Variants in TYRO3 observed in about 807,000 individuals in gnomAD.
The protein encoded by TYRO3 is TYRO3 protein tyrosine kinase, also known as tyrosine-protein kinase receptor TYRO3.
In TYRO3, 38 loss-of-function variants were observed where a neutral mutation model predicts 95.2. The ratio of observed to expected loss-of-function variants is 0.40; its 90% confidence interval spans 0.31 to 0.52. The LOEUF (loss-of-function observed/expected upper bound fraction) is 0.52. Ranked by LOEUF, TYRO3 falls within the 20% of genes least tolerant of loss-of-function variation. The probability of loss-of-function intolerance (pLI) is 0.56; values close to 1 mark genes in which losing one functional copy is unlikely to be tolerated. For synonymous variants in TYRO3, 367 were observed against 432.9 expected (o/e 0.85, Z 1.89); for missense variants, 812 against 1,116.4 (o/e 0.73, Z 3.89).
intron 4 of TYRO3, among the ~76,000 whole-genome samples, chr15:41,563,835 T>C (rs2055686603): frequency 6.6e-6 from 1 of 151,992 alleles, no homozygotes; most frequent in African/African-American, 2.4e-5. Context: ...GTATGCGCAA[T>C]AAAAGAGTGA....
intron 18 of TYRO3, 115 bp downstream of exon 18, chr15:41,573,930 T>G (rs2055832595): frequency 1.5e-5 from 16 of 1,087,018 alleles, no homozygotes; most frequent in Non-Finnish European, 2.1e-5. Context: ...AACATCCTTG[T>G]AGTTGGAAGG....
At chr15:41,561,663 C>T (rs750276166) in intron 3 of TYRO3, 24 bp downstream of exon 3, 8 of 1,524,476 alleles carry the variant, frequency 5.2e-6, no homozygotes, top group African/African-American at 1.4e-5. Context: ...GCCATATGGG[C>T]GTGTTGGCCT....
intron 7 of TYRO3, 50 bp from the exon 8 acceptor site, chr15:41,568,167 T>C (rs1393098610): frequency 3.7e-6 from 6 of 1,608,620 alleles, no homozygotes; most frequent in Non-Finnish European, 5.1e-6. Context: ...CATGGAATTA[T>C]GATGGTGGGA....
chr15:41,565,220 C>T (rs1469200386), intron 6 of TYRO3, 79 bp downstream of exon 6: 1 of 882,026 alleles, frequency 1.1e-6, no homozygotes, highest in Non-Finnish European at 1.8e-6. Flanking sequence ...CACTCACTAG[C>T]CAGCTCCTGG....
rs1037872446 is a variant in TYRO3 at position 41,567,543 on chromosome 15, G to A, written c.961+6G>A. ...CTTTCAGACCAAGGGTCTAGGTAAG[G>A]GATGCATAGAGCAGAGCGGGTGGGC... On this transcript the variant is annotated splice_donor_region_variant and intron_variant, in intron 7 of 18. Transcript: ENST00000263798. 9.1e-6 allele frequency: 14 copies of A among 1,535,044 alleles called. No individual in the cohort carries two copies. The highest frequency in any genetic ancestry group is 1.4e-5 in the African/African-American group (1 of 71,848).
At position 41,561,129 on chromosome 15, in the gene TYRO3, C is replaced by G; in HGVS notation, c.127C>G (p.Leu43Val). 2 of 1,614,106 alleles carry G rather than the reference C, an allele frequency of 1.2e-6. No individual in the cohort carries two copies. The highest frequency in any genetic ancestry group is 3.3e-5 in the Admixed American group (2 of 60,022). ...LLLPESAAAG[L>V]KLMGAPVKLT... ...ACATGTTCCTTCCCACCCCTCAGGTCTGAAGCTCATGGGAGCCCCGGTGAA... is the reference window on the plus strand; with the variant it reads ...ACATGTTCCTTCCCACCCCTCAGGTGTGAAGCTCATGGGAGCCCCGGTGAA... The change falls in exon 2 of 19, where the codon CTG becomes GTG. Residue 43 changes from leucine to valine, a missense_variant and splice_region_variant. Leu to Val is a conservative substitution (Grantham distance 32, BLOSUM62 1). Transcript: ENST00000263798.
In TYRO3 at chr15:41,568,253, G is replaced by T; in HGVS notation, c.998G>T (p.Arg333Leu). The T allele has an allele frequency of 6.2e-7, 1 of 1,613,072 alleles. No homozygotes were observed. Among genetic ancestry groups the T allele is most frequent in the Non-Finnish European group, 8.5e-7 (1 of 1,179,968 alleles). ...GCTCCCCAAAACCTCCATGCCATCC[G>T]CACAGATTCAGGCCTCATCTTGGAG... is the stretch of plus-strand genomic sequence containing the variant. ...ASAPQNLHAI[R>L]TDSGLILEWE... The change falls in exon 8 of 19, where the codon CGC (arginine) becomes CTC (leucine). Residue 333 changes from arginine (R) to leucine (L), a missense_variant. Physicochemically the swap from Arg to Leu is moderately radical, Grantham distance 102. Transcript: ENST00000263798.
Position 41,572,497 on chromosome 15 carries a change from T to G in TYRO3, c.1808T>G (p.Leu603Trp). Residue 603 changes from leucine (L) to tryptophan (W), a missense_variant, in exon 15 of 19, where the codon TTG becomes TGG. By Grantham distance (61) the Leu-to-Trp change is moderately conservative (BLOSUM62 -2). Transcript: ENST00000263798. Reference sequence around the variant, plus strand: ...CGTCTCCCCATCCCCATGGTCATCTTGCCCTTCATGAAGCATGGGGACCTG... The same window carrying G: ...CGTCTCCCCATCCCCATGGTCATCTGGCCCTTCATGAAGCATGGGGACCTG... Reference protein sequence around the residue: ...KGRLPIPMVILPFMKHGDLHA... With the variant: ...KGRLPIPMVIWPFMKHGDLHA... 11 of 1,614,242 alleles carry G rather than the reference T, an allele frequency of 6.8e-6. No individual in the cohort carries two copies. The highest frequency in any genetic ancestry group is 9.3e-6 in the Non-Finnish European group (11 of 1,180,048).
chr15:41,571,950 G>A (rs1251367420), intron 14 of TYRO3, among the ~76,000 whole-genome samples: 1 of 151,592 alleles, frequency 6.6e-6, no homozygotes, highest in Non-Finnish European at 1.5e-5. Context: ...TTGAGGCCAG[G>A]GGTTTGAGAC....
intron 3 of TYRO3, 116 bp from the exon 4 acceptor site, chr15:41,562,432 A>G: frequency 9.9e-7 from 1 of 1,013,320 alleles, no homozygotes; most frequent in Non-Finnish European, 1.4e-6. Flanking sequence ...ACCTAATCAT[A>G]AGGGGCCTGT....
intron 18 of TYRO3, 89 bp from the exon 19 acceptor site, chr15:41,577,797 T>A: frequency 3.5e-6 from 5 of 1,411,250 alleles, no homozygotes; most frequent in Non-Finnish European, 3.8e-6. Flanking sequence ...GGGAATAAAA[T>A]TTTTTAAAAC....
intron 1 of TYRO3, among the ~76,000 whole-genome samples, chr15:41,560,571 C>T (rs1406140317): frequency 6.6e-6 from 1 of 152,182 alleles, no homozygotes; most frequent in East Asian, 1.9e-4. Flanking sequence ...CCCCTGCCCA[C>T]ATTCAGGTAT....
Position 41,568,501 on chromosome 15 carries a change from C to T in TYRO3, c.1107+139C>T, listed in dbSNP as rs964620017. ...CCCAGGGAATCCTTTCCTCCTCACC[C>T]TCCTCTGCAAGCTCCACTTCTCAAA... On this transcript the variant is annotated intron_variant, in intron 8 of 18. Coordinates refer to ENST00000263798, the MANE Select transcript of TYRO3 (RefSeq NM_006293.4). 41 of 804,012 alleles carry T rather than the reference C, an allele frequency of 5.1e-5. No individual in the cohort carries two copies. In the African/African-American group the frequency reaches 6.8e-4, roughly 13 times the overall value. 49.8% of individuals were successfully genotyped at this position (804,012 alleles called of 1,614,324 possible).
intron 1 of TYRO3, among the ~76,000 whole-genome samples, chr15:41,560,457 G>A (rs1029936658): frequency 1.3e-5 from 2 of 150,522 alleles, no homozygotes; most frequent in African/African-American, 4.9e-5. Flanking sequence ...TCGCACGCAA[G>A]TTCCAAAGAG....
rs1239351054 is a variant in TYRO3 at position 41,580,680 on chromosome 15, G to A, written c.*2404G>A. On this transcript the variant is annotated 3_prime_UTR_variant, in exon 19 of 19. Coordinates refer to ENST00000263798, the MANE Select transcript of TYRO3 (RefSeq NM_006293.4). ...GAGTCTCTCTCTGTCGCCCAGGCTA[G>A]AGTGCAGTGGTGTGATCTCGGCTCA... The A allele has an allele frequency of 6.6e-6, 1 of 150,578 alleles. No homozygotes were observed. Among genetic ancestry groups the A allele is most frequent in the Non-Finnish European group, 1.5e-5 (1 of 67,824 alleles). 9.3% of individuals were successfully genotyped at this position (150,578 alleles called of 1,614,324 possible). A position where few individuals can be genotyped will look rare whatever the true frequency, so the allele number is the denominator to read the frequency against.
intron 1 of TYRO3, 116 bp downstream of exon 1, chr15:41,559,497 A>C: frequency 5.6e-4 from 124 of 220,396 alleles, no homozygotes; most frequent in East Asian, 1.9e-3. Context: ...CCGGAGCCGA[A>C]GGCCGAGGCT....
In TYRO3 at chr15:41,579,815, T is replaced by G. The variant is rs546583713; in HGVS notation, c.*1539T>G. The G allele has an allele frequency of 6.6e-6, 1 of 151,316 alleles. No homozygotes were observed. Among genetic ancestry groups the G allele is most frequent in the Non-Finnish European group, 1.5e-5 (1 of 67,844 alleles). 9.4% of individuals were successfully genotyped at this position (151,316 alleles called of 1,614,324 possible). A position where few individuals can be genotyped will look rare whatever the true frequency, so the allele number is the denominator to read the frequency against. ...CTCTGTCGCCCAGGCTGGAGTGCAA[T>G]TGCGCGATCTGAGCTCACTGCAAGC... On this transcript the variant is annotated 3_prime_UTR_variant, in exon 19 of 19. Coordinates refer to ENST00000263798, the MANE Select transcript of TYRO3 (RefSeq NM_006293.4).
At chr15:41,559,495 G>T in intron 1 of TYRO3, 114 bp downstream of exon 1, 1 of 268,256 alleles carries the variant, frequency 3.7e-6, no homozygotes, top group Non-Finnish European at 7.0e-6. Flanking sequence ...GTCCGGAGCC[G>T]AAGGCCGAGG....
chr15:41,563,490 A>G (rs914625646), intron 4 of TYRO3, among the ~76,000 whole-genome samples: 3 of 152,210 alleles, frequency 2.0e-5, no homozygotes, highest in African/African-American at 4.8e-5. Context: ...GAGGTGGACT[A>G]TGAGACCTCT....
Sources: gnomAD v4.1 joint callset for allele counts (sites outside exome capture counted in the v4.1 genomes callset) on GRCh38, gnomAD v4.1.1 for gene constraint, MANE v1.5 for transcripts, NCBI Gene and HGNC (gene_info 2026-07-23, HGNC 2026-07-21) for gene names.